SLC1A1: variants seen among roughly 807,000 people sequenced by gnomAD.
The protein encoded by SLC1A1 is solute carrier family 1 member 1, also known as excitatory amino acid transporter 3.
In SLC1A1, 43 loss-of-function variants were observed where a neutral mutation model predicts 53.3. The observed-to-expected ratio is 0.81, with a 90% CI of 0.63 to 1.04. The LOEUF (loss-of-function observed/expected upper bound fraction) is 1.04. Ranked by LOEUF, SLC1A1 falls within the 50% of genes least tolerant of loss-of-function variation. The pLI, the probability that SLC1A1 is intolerant of heterozygous loss-of-function variation, is 0.00. For missense variants in SLC1A1, 748 were observed against 664.9 expected (o/e 1.12, Z -1.37); for synonymous variants, 307 against 243.2 (o/e 1.26, Z -2.44).
At chr9:4,525,061 AG>A (rs1288942023) in intron 1 of SLC1A1, among the ~76,000 whole-genome samples, 1 of 152,176 alleles carries the variant, frequency 6.6e-6, no homozygotes, top group Non-Finnish European at 1.5e-5. Context: ...AATGGGAGAT[AG>A]GGGTCTTAAT....
At chr9:4,580,507 A>G (rs927335273) in intron 10 of SLC1A1, among the ~76,000 whole-genome samples, 4 of 151,626 alleles carry the variant, frequency 2.6e-5, no homozygotes, top group African/African-American at 7.3e-5. Flanking sequence ...CTTGAGCCCA[A>G]TAGGTGGAGG....
rs2228621 is a variant in SLC1A1, at chr9:4,544,624, T to A, written c.149T>A (p.Phe50Tyr). The change falls in exon 2 of 12, where the codon TTC becomes TAC. Residue 50 changes from phenylalanine to tyrosine, a missense_variant. Coordinates refer to ENST00000262352, the MANE Select transcript of SLC1A1 (RefSeq NM_004170.6). ...AGCAACCTCTCAACTCTAGAGAAAT[T>A]CTACTTTGCTTTTCCTGGAGAAATT... ...EHSNLSTLEK[F>Y]YFAFPGEILM... 3.3e-3 allele frequency: 5,371 copies of A among 1,613,686 alleles called. 151 individuals are homozygous for A. In the African/African-American group the frequency reaches 0.06, roughly 18 times the overall value.
At chr9:4,537,861 C>A (rs1003122410) in intron 1 of SLC1A1, among the ~76,000 whole-genome samples, 2 of 151,780 alleles carry the variant, frequency 1.3e-5, no homozygotes, top group African/African-American at 4.8e-5. Flanking sequence ...AGTTGTACAA[C>A]ATTGTATGTT....
rs374589474 is a variant in SLC1A1 at position 4,576,031 on chromosome 9, G to A, written c.906G>A (p.Pro302=). Residue 302 remains proline (P), a synonymous_variant, in exon 9 of 12, where the codon CCG becomes CCA. Coordinates refer to ENST00000262352, the MANE Select transcript of SLC1A1 (RefSeq NM_004170.6). The part of the protein sequence containing the change: ...GLAIHSIVIL[P]LIYFIVVRKN... ...CAATCCACTCCATTGTAATTCTCCC[G>A]CTGATATATTTCATAGTCGTACGAA... The A allele has an allele frequency of 2.0e-5, 33 of 1,613,940 alleles. No homozygotes were observed. Among genetic ancestry groups the A allele is most frequent in the Non-Finnish European group, 2.6e-5 (31 of 1,179,850 alleles).
chr9:4,500,378 G>A (rs1158674644), intron 1 of SLC1A1, among the ~76,000 whole-genome samples: 3 of 152,008 alleles, frequency 2.0e-5, no homozygotes, highest in Non-Finnish European at 2.9e-5. Flanking sequence ...GTGCGATCTC[G>A]GCTACTGCAA....
chr9:4,504,621 T>C (rs566221677), intron 1 of SLC1A1, among the ~76,000 whole-genome samples: 1 of 152,354 alleles, frequency 6.6e-6, no homozygotes, highest in East Asian at 1.9e-4. Context: ...ACTGAAGAGA[T>C]TCTGAGTTCT....
At chr9:4,559,328 G>A (rs961763049) in intron 2 of SLC1A1, among the ~76,000 whole-genome samples, 4 of 152,142 alleles carry the variant, frequency 2.6e-5, no homozygotes, top group African/African-American at 9.7e-5. Context: ...TTGATGAATG[G>A]CGCCTTAACA....
chr9:4,585,578 C>G lies in SLC1A1; in HGVS notation c.*20C>G, dbSNP rs755186294. ...TTCTAGGGCCCCTGGCTGCAGATGA[C>G]TGGAAACAAGGAAGGACATTTCCGT... is the stretch of plus-strand genomic sequence containing the variant. On this transcript the variant is annotated 3_prime_UTR_variant, in exon 12 of 12. Coordinates refer to ENST00000262352, the MANE Select transcript of SLC1A1 (RefSeq NM_004170.6). The G allele has an allele frequency of 1.9e-6, 3 of 1,614,036 alleles. No homozygotes were observed. In the South Asian group the frequency reaches 3.3e-5, roughly 18 times the overall value.
intron 1 of SLC1A1, among the ~76,000 whole-genome samples, chr9:4,537,732 G>C (rs965600832): frequency 2.0e-5 from 3 of 152,030 alleles, no homozygotes; most frequent in Admixed American, 1.3e-4. Context: ...AATCCATAGA[G>C]ACAGAAAAGT....
At chr9:4,503,838 C>A (rs1563995730) in intron 1 of SLC1A1, among the ~76,000 whole-genome samples, 1 of 151,852 alleles carries the variant, frequency 6.6e-6, no homozygotes, top group Non-Finnish European at 1.5e-5. Flanking sequence ...CTGATTACAA[C>A]CTTCTTCACT....
At chr9:4,503,776 T>C (rs752344815) in intron 1 of SLC1A1, among the ~76,000 whole-genome samples, 5 of 151,926 alleles carry the variant, frequency 3.3e-5, no homozygotes, top group African/African-American at 9.7e-5. Context: ...TGTCACATCA[T>C]AGCATCCAGC....
chr9:4,517,514 G>A (rs1815894783), intron 1 of SLC1A1, among the ~76,000 whole-genome samples: 1 of 152,188 alleles, frequency 6.6e-6, no homozygotes. Flanking sequence ...GGCTTCTTGT[G>A]TTCCACGTGC....
At chr9:4,523,824 C>A (rs190690180) in intron 1 of SLC1A1, among the ~76,000 whole-genome samples, 27 of 152,290 alleles carry the variant, frequency 1.8e-4, no homozygotes, top group African/African-American at 5.5e-4. Context: ...ATATTTTGTT[C>A]TTCCCATTGT....
chr9:4,558,764 T>C (rs1818661292), intron 2 of SLC1A1, among the ~76,000 whole-genome samples: 1 of 152,124 alleles, frequency 6.6e-6, no homozygotes, highest in Admixed American at 6.5e-5. Flanking sequence ...CTGTAACTAC[T>C]CTGTGACTCT....
At position 4,556,645 on chromosome 9, in the gene SLC1A1, G is replaced by C. The variant is rs970798988; in HGVS notation, c.233-4804G>C. 6.6e-6 allele frequency among the ~76,000 whole-genome samples: 1 copy of C among 152,124 alleles called. No individual in the cohort carries two copies. Among genetic ancestry groups the C allele is most frequent in the African/African-American group, 2.4e-5 (1 of 41,428 alleles). On this transcript the variant is annotated intron_variant, in intron 2 of 11. Coordinates refer to ENST00000262352, the MANE Select transcript of SLC1A1 (RefSeq NM_004170.6). This position sits in a 1 kb window ranked among gnomAD's most constrained non-coding sequence, Gnocchi z 4.1. ...TGGGACTAAGTTGGGCCTGATCTTCGACGTCAACGCCAGTTAAGAGTCTAA... is the reference window on the plus strand; with the variant it reads ...TGGGACTAAGTTGGGCCTGATCTTCCACGTCAACGCCAGTTAAGAGTCTAA...
chr9:4,546,711 G>A (rs1012705645), intron 2 of SLC1A1, among the ~76,000 whole-genome samples: 6 of 152,170 alleles, frequency 3.9e-5, no homozygotes, highest in Non-Finnish European at 7.3e-5. Context: ...TGCCCAGGCT[G>A]GTCTTGAATT....
At chr9:4,518,845 A>C (rs974463737) in intron 1 of SLC1A1, among the ~76,000 whole-genome samples, 4 of 152,224 alleles carry the variant, frequency 2.6e-5, no homozygotes, top group African/African-American at 4.8e-5. Flanking sequence ...TATTGCATTT[A>C]ATTCTCACCC....
chr9:4,584,232 C>A (rs976799305), intron 11 of SLC1A1, among the ~76,000 whole-genome samples: 5 of 152,218 alleles, frequency 3.3e-5, no homozygotes, highest in Non-Finnish European at 7.3e-5. Flanking sequence ...ATGGCAAAAG[C>A]CCCTGCACCT....
At chr9:4,496,200 A>G (rs1820412304) in intron 1 of SLC1A1, among the ~76,000 whole-genome samples, 1 of 152,070 alleles carries the variant, frequency 6.6e-6, no homozygotes. Context: ...GTGTGATAGA[A>G]ATTAAGAACA....
Sources: allele counts gnomAD v4.1 joint callset (sites outside exome capture counted in the v4.1 genomes callset), GRCh38; gene constraint gnomAD v4.1.1; non-coding constraint Gnocchi (gnomAD v3.1); transcripts MANE v1.5; gene names NCBI Gene and HGNC (gene_info 2026-07-23, HGNC 2026-07-21).